AFAP1: variants seen among roughly 807,000 people sequenced by gnomAD.
AFAP1 encodes actin filament associated protein 1.
A neutral mutation model predicts 93.9 loss-of-function variants in AFAP1; 75 were observed. The observed-to-expected ratio is 0.80, with a 90% CI of 0.66 to 0.97. The LOEUF is 0.97. Among genes scored for constraint, AFAP1 ranks in the 50% least tolerant of loss-of-function variants. The probability of loss-of-function intolerance (pLI) is 0.00; values close to 1 mark genes in which losing one functional copy is unlikely to be tolerated. For missense variants in AFAP1, 1,201 were observed against 1,050.8 expected, an observed-to-expected ratio of 1.14 and a Z score of -1.98; for synonymous variants, 517 against 430.7, an observed-to-expected ratio of 1.20 and a Z score of -2.48.
intron 3 of AFAP1, among the ~76,000 whole-genome samples, chr4:7,860,658 G>C (rs1293362290): frequency 6.6e-6 from 1 of 152,116 alleles, no homozygotes; most frequent in South Asian, 2.1e-4. Flanking sequence ...AGCCAGAGTG[G>C]GCACGGCCTG....
chr4:7,768,013 C>T (rs1223745470), intron 17 of AFAP1, among the ~76,000 whole-genome samples: 1 of 152,242 alleles, frequency 6.6e-6, no homozygotes, highest in East Asian at 1.9e-4. Flanking sequence ...GAGATCAAGG[C>T]TGTGGTGAGC....
chr4:7,835,502 T>G (rs368246336), intron 6 of AFAP1, among the ~76,000 whole-genome samples: 8 of 35,994 alleles, frequency 2.2e-4, no homozygotes, highest in East Asian at 4.2e-4. Flanking sequence ...GACTGCGGGC[T>G]GCCTTAAGGT....
chr4:7,795,590 A>G (rs368879690), intron 10 of AFAP1, among the ~76,000 whole-genome samples: 3 of 151,554 alleles, frequency 2.0e-5, no homozygotes, highest in African/African-American at 7.3e-5. Context: ...ACGCCCGGAT[A>G]ATTTTTTGTA....
At chr4:7,925,130 G>A (rs925779045) in intron 1 of AFAP1, among the ~76,000 whole-genome samples, 1 of 152,052 alleles carries the variant, frequency 6.6e-6, no homozygotes, top group Non-Finnish European at 1.5e-5. Flanking sequence ...AGTCAACTCT[G>A]CCTGTCCTCA....
intron 1 of AFAP1, among the ~76,000 whole-genome samples, chr4:7,894,901 G>T (rs1718679864): frequency 6.6e-6 from 1 of 152,224 alleles, no homozygotes; most frequent in East Asian, 1.9e-4. Context: ...CCAGGGAGGG[G>T]GATGCTGGAA....
chr4:7,882,775 C>T (rs1303119894), intron 1 of AFAP1, among the ~76,000 whole-genome samples: 3 of 152,148 alleles, frequency 2.0e-5, no homozygotes, highest in Non-Finnish European at 4.4e-5. Flanking sequence ...AGGAGAATCG[C>T]TTGAACCTGG....
intron 4 of AFAP1, among the ~76,000 whole-genome samples, chr4:7,854,656 A>G (rs1031597608): frequency 1.3e-5 from 2 of 152,234 alleles, no homozygotes; most frequent in Admixed American, 6.5e-5. Context: ...AAAGAAGATC[A>G]ATGCACCAGG....
In AFAP1 at chr4:7,793,814, CAGA is replaced by C. The variant is rs1718126493; in HGVS notation, c.1276_1278del (p.Ser426del). On this transcript the variant is annotated inframe_deletion, in exon 11 of 18. Coordinates refer to ENST00000420658, the MANE Select transcript of AFAP1 (RefSeq NM_001134647.2). ...ATCCCAATCCACCTGCCCATGTCTT[CAGA>C]AGAAGATGCCTGTTGAAGTGGGAAA... 3.2e-6 allele frequency: 5 copies of C among 1,541,910 alleles called. No individual in the cohort carries two copies. Among genetic ancestry groups the C allele is most frequent in the African/African-American group, 1.4e-5 (1 of 73,912 alleles).
intron 2 of AFAP1, 85 bp from the exon 3 acceptor site, chr4:7,868,804 G>GTGT: frequency 8.6e-7 from 1 of 1,161,958 alleles, no homozygotes; most frequent in East Asian, 2.5e-5. Flanking sequence ...CCTGAACCCT[G>GTGT]TGTTGAACAC....
chr4:7,771,831 C>G (rs531394666), intron 16 of AFAP1, among the ~76,000 whole-genome samples: 1 of 151,920 alleles, frequency 6.6e-6, no homozygotes, highest in Non-Finnish European at 1.5e-5. Context: ...TGGAGGTGAT[C>G]GCTGGGGTGC....
intron 3 of AFAP1, among the ~76,000 whole-genome samples, chr4:7,858,487 C>T (rs1044468918): frequency 2.6e-5 from 4 of 152,030 alleles, no homozygotes; most frequent in African/African-American, 7.3e-5. Context: ...GGAGAAGGGC[C>T]GAAATGATGA....
chr4:7,787,166 G>A (rs966961624), intron 11 of AFAP1, among the ~76,000 whole-genome samples: 1 of 152,220 alleles, frequency 6.6e-6, no homozygotes, highest in Non-Finnish European at 1.5e-5. Context: ...ATTACGGCTG[G>A]AACTTTCCAT....
intron 3 of AFAP1, among the ~76,000 whole-genome samples, chr4:7,856,584 T>C (rs1352910200): frequency 2.6e-5 from 4 of 152,172 alleles, no homozygotes; most frequent in African/African-American, 9.7e-5. Context: ...CTCTCTCTGG[T>C]TGTGAAGCCA....
intron 6 of AFAP1, among the ~76,000 whole-genome samples, chr4:7,832,296 A>G (rs1314349141): frequency 6.6e-6 from 1 of 152,044 alleles, no homozygotes; most frequent in African/African-American, 2.4e-5. Flanking sequence ...CGTATGATAC[A>G]GATGTGGGAA....
At chr4:7,843,451 T>G in intron 4 of AFAP1, 101 bp from the exon 5 acceptor site, 1 of 1,109,880 alleles carries the variant, frequency 9.0e-7, no homozygotes, top group Non-Finnish European at 1.3e-6. Flanking sequence ...ACCAAGTAAC[T>G]GAATGAGAAA....
chr4:7,855,998 A>T (rs912075803), intron 3 of AFAP1, among the ~76,000 whole-genome samples: 1 of 152,148 alleles, frequency 6.6e-6, no homozygotes, highest in Non-Finnish European at 1.5e-5. Context: ...CTGGGACTCC[A>T]TGGCCCTGCC....
At chr4:7,795,532 C>T (rs1041383230) in intron 10 of AFAP1, among the ~76,000 whole-genome samples, 37 of 146,370 alleles carry the variant, frequency 2.5e-4, no homozygotes, top group African/African-American at 9.4e-4. Flanking sequence ...TCACGCCAGT[C>T]TCCTGCCTCA....
intron 11 of AFAP1, among the ~76,000 whole-genome samples, chr4:7,790,403 T>C (rs748216871): frequency 6.6e-6 from 1 of 152,246 alleles, no homozygotes; most frequent in African/African-American, 2.4e-5. Flanking sequence ...CCTTGCCACA[T>C]TTGATTTAGA....
chr4:7,766,393 A>C (rs960106767), intron 17 of AFAP1, among the ~76,000 whole-genome samples: 1 of 152,114 alleles, frequency 6.6e-6, no homozygotes, highest in African/African-American at 2.4e-5. Flanking sequence ...GGAGGACCCC[A>C]TGTTACCTCC....
Sources: gnomAD v4.1 joint callset for allele counts (sites outside exome capture counted in the v4.1 genomes callset) on GRCh38, gnomAD v4.1.1 for gene constraint, MANE v1.5 for transcripts, NCBI Gene and HGNC (gene_info 2026-07-23, HGNC 2026-07-21) for gene names.